ADAMTS7: variants seen among roughly 807,000 people sequenced by gnomAD.
ADAMTS7 encodes the protein ADAM metallopeptidase with thrombospondin type 1 motif 7.
A neutral mutation model predicts 172.6 loss-of-function variants in ADAMTS7; 89 were observed. That is an observed-to-expected ratio of 0.52 (90% confidence interval 0.43 to 0.61). ADAMTS7 has a LOEUF of 0.61. Ranked by LOEUF, ADAMTS7 falls within the 20% of genes least tolerant of loss-of-function variation. The pLI, the probability that ADAMTS7 is intolerant of heterozygous loss-of-function variation, is 0.00. For synonymous variants in ADAMTS7, 885 were observed against 978.4 expected (o/e 0.90, Z 1.78); for missense variants, 1,973 against 2,355.6 (o/e 0.84, Z 3.36).
intron 4 of ADAMTS7, among the ~76,000 whole-genome samples, chr15:78,795,366 A>G (rs1435416914): frequency 6.6e-6 from 1 of 152,208 alleles, no homozygotes; most frequent in Admixed American, 6.5e-5. Context: ...TGGAACAGGG[A>G]GCCAATGAGG....
intron 2 of ADAMTS7, among the ~76,000 whole-genome samples, chr15:78,799,205 A>G (rs1567239190): frequency 6.8e-6 from 1 of 146,462 alleles, no homozygotes; most frequent in Non-Finnish European, 1.5e-5. Flanking sequence ...CTGTGCGGCC[A>G]CAGCCCATGG....
At chr15:78,768,419 G>A (rs1328668081) in intron 16 of ADAMTS7, among the ~76,000 whole-genome samples, 160 bp from the exon 17 acceptor site, 3 of 152,264 alleles carry the variant, frequency 2.0e-5, no homozygotes, top group South Asian at 2.1e-4. Flanking sequence ...CTCCACCGTC[G>A]CCTCCTCACT....
chr15:78,769,526 A>G (rs1253152062), intron 16 of ADAMTS7, among the ~76,000 whole-genome samples: 1 of 152,202 alleles, frequency 6.6e-6, no homozygotes, highest in Non-Finnish European at 1.5e-5. Context: ...CCTCGCTGGG[A>G]GTCAGCCCTT....
At chr15:78,786,179 C>T (rs1220776623) in intron 8 of ADAMTS7, among the ~76,000 whole-genome samples, 1 of 152,004 alleles carries the variant, frequency 6.6e-6, no homozygotes, top group East Asian at 1.9e-4. Context: ...ATCCACCTGC[C>T]TCAGCCTCCC....
At chr15:78,808,052 C>T (rs1327994354) in intron 1 of ADAMTS7, among the ~76,000 whole-genome samples, 1 of 151,902 alleles carries the variant, frequency 6.6e-6, no homozygotes, top group Admixed American at 6.6e-5. Context: ...GATGGGGTCT[C>T]ATTATGCTGC....
At chr15:78,798,638 C>A (rs541313866) in intron 2 of ADAMTS7, among the ~76,000 whole-genome samples, 88 of 152,294 alleles carry the variant, frequency 5.8e-4, no homozygotes, top group Middle Eastern at 3.4e-3. Context: ...ATGCCCACGG[C>A]CACCAGGACA....
chr15:78,791,602 C>A (rs1317635865), intron 4 of ADAMTS7, among the ~76,000 whole-genome samples: 1 of 152,202 alleles, frequency 6.6e-6, no homozygotes, highest in African/African-American at 2.4e-5. Flanking sequence ...CTTGGCCTGT[C>A]GCAGGGCCCT....
At chr15:78,763,574 G>T in intron 22 of ADAMTS7, 125 bp downstream of exon 22, 1 of 1,293,988 alleles carries the variant, frequency 7.7e-7, no homozygotes, top group Non-Finnish European at 1.0e-6. Context: ...GCGGGGCCTC[G>T]TCCAGTGACA....
intron 1 of ADAMTS7, among the ~76,000 whole-genome samples, chr15:78,803,007 A>G (rs900211096): frequency 6.6e-6 from 1 of 151,640 alleles, no homozygotes; most frequent in Non-Finnish European, 1.5e-5. Flanking sequence ...AAAAAAATAA[A>G]TAAATAAAAT....
Position 78,773,167 on chromosome 15 carries a change from T to C in ADAMTS7, c.2047A>G (p.Met683Val), listed in dbSNP as rs146076001. The change falls in exon 14 of 24, where the codon ATG becomes GTG. Residue 683 changes from methionine to valine, a missense_variant. Physicochemically the swap from Met to Val is conservative, Grantham distance 21. Transcript: ENST00000388820. Reference sequence around the variant, plus strand: ...TGGCACACACCACAGCGGTCCTCCATAGCACCGGAGTCAATCTCGAAGTCA... The same window carrying C: ...TGGCACACACCACAGCGGTCCTCCACAGCACCGGAGTCAATCTCGAAGTCA... ...GCDFEIDSGAMEDRCGVCHGN... is the reference protein window; with the variant it reads ...GCDFEIDSGAVEDRCGVCHGN... 103 of 1,495,932 alleles carry C rather than the reference T, an allele frequency of 6.9e-5. 2 individuals carry two copies. In the African/African-American group the frequency reaches 1.2e-3, roughly 18 times the overall value. 92.7% of individuals were successfully genotyped at this position (1,495,932 alleles called of 1,614,324 possible).
chr15:78,759,825 C>T (rs1006583625), intron 23 of ADAMTS7, among the ~76,000 whole-genome samples: 2 of 152,164 alleles, frequency 1.3e-5, no homozygotes, highest in Non-Finnish European at 2.9e-5. Context: ...GAGGAAAGGT[C>T]CTGAGACCCC....
chr15:78,784,805 C>T (rs1173146360), intron 8 of ADAMTS7, among the ~76,000 whole-genome samples: 3 of 152,158 alleles, frequency 2.0e-5, no homozygotes, highest in Admixed American at 6.5e-5. Flanking sequence ...AAAATGCCTT[C>T]GACATTCTGA....
rs1045135 is a variant in ADAMTS7, at chr15:78,759,347, C to A, written c.*74G>T. 32 of 1,422,402 alleles carry A rather than the reference C, an allele frequency of 2.2e-5. No individual in the cohort carries two copies. The highest frequency in any genetic ancestry group is 2.5e-5 in the Non-Finnish European group (27 of 1,072,730). The allele number at this position is 1,422,402 out of a possible 1,614,324, so 88.1% of individuals were successfully genotyped here. A position where few individuals can be genotyped will look rare whatever the true frequency, so the allele number is the denominator to read the frequency against. ...AGAGGGGGTTAGCACCATTAGGGCG[C>A]AGGGGGCGGGAGCTCCGCCACAGCC... On this transcript the variant is annotated 3_prime_UTR_variant, in exon 24 of 24. Coordinates refer to ENST00000388820, the MANE Select transcript of ADAMTS7 (RefSeq NM_014272.5).
chr15:78,779,044 C>T (rs1054212026), intron 8 of ADAMTS7, among the ~76,000 whole-genome samples: 1 of 152,046 alleles, frequency 6.6e-6, no homozygotes, highest in African/African-American at 2.4e-5. Flanking sequence ...TGGGTGTTTG[C>T]GTGGTCTCCT....
At position 78,765,836 on chromosome 15, in the gene ADAMTS7, G is replaced by T; in HGVS notation, c.4075C>A (p.Gln1359Lys). 6.3e-7 allele frequency: 1 copy of T among 1,578,990 alleles called. No individual in the cohort carries two copies. The highest frequency in any genetic ancestry group is 8.6e-7 in the Non-Finnish European group (1 of 1,162,924). Reference sequence around the variant, plus strand: ...ACCTCAGGGCTGAGGGACTCAGGCTGACCCTTGGGTCCTGGGTTCAGGGCA... The same window carrying T: ...ACCTCAGGGCTGAGGGACTCAGGCTTACCCTTGGGTCCTGGGTTCAGGGCA... Reference protein sequence around the residue: ...EPALNPGPKGQPESLSPEVPL... With the variant: ...EPALNPGPKGKPESLSPEVPL... The change falls in exon 19 of 24, where the codon CAG becomes AAG. Residue 1359 changes from glutamine (Q) to lysine (K), a missense_variant. Transcript: ENST00000388820.
intron 3 of ADAMTS7, 123 bp from the exon 4 acceptor site, chr15:78,796,909 G>T (rs2055653309): frequency 1.1e-6 from 1 of 919,048 alleles, no homozygotes; most frequent in Non-Finnish European, 1.6e-6. Flanking sequence ...CAGAGGCCAG[G>T]GGCCTGAATT....
At chr15:78,777,195 G>A (rs1596185707) in intron 9 of ADAMTS7, 1 of 594,186 alleles carries the variant, frequency 1.7e-6, no homozygotes, top group Non-Finnish European at 3.0e-6. Context: ...GCCAGCTCCA[G>A]AGAGGCGAAG....
At chr15:78,792,040 G>C (rs1043465299) in intron 4 of ADAMTS7, among the ~76,000 whole-genome samples, 6 of 151,790 alleles carry the variant, frequency 4.0e-5, no homozygotes, top group Non-Finnish European at 8.8e-5. Context: ...GAACAGGCCA[G>C]TTGTGAGTTG....
rs1208562045 is a variant in ADAMTS7, at chr15:78,771,168, C to T, written c.2512G>A (p.Gly838Ser). The T allele has an allele frequency of 3.1e-6, 5 of 1,607,630 alleles. No individual in the cohort carries two copies. In the South Asian group the frequency reaches 3.3e-5, roughly 11 times the overall value. The change falls in exon 16 of 24, where the codon GGC becomes AGC. Residue 838 changes from glycine to serine, a missense_variant. By Grantham distance (56) the Gly-to-Ser change is moderately conservative. Coordinates refer to ENST00000388820, the MANE Select transcript of ADAMTS7 (RefSeq NM_014272.5). The surrounding 1 kb of genome is among the most constrained non-coding windows in gnomAD (Gnocchi z 4.9). ...TGCCTGCCCCACTTCTCACCTCTGC[C>T]GCAGGTGACTGTGCACTTGGTCCAG... The part of the protein sequence containing the change: ...GPWTKCTVTC[G>S]RGVQRQNVYC...
Sources: allele counts gnomAD v4.1 joint callset (sites outside exome capture counted in the v4.1 genomes callset), GRCh38; gene constraint gnomAD v4.1.1; non-coding constraint Gnocchi (gnomAD v3.1); transcripts MANE v1.5; gene names NCBI Gene and HGNC (gene_info 2026-07-23, HGNC 2026-07-21).